COP1: variants seen among roughly 807,000 people sequenced by gnomAD.
COP1 encodes COP1 E3 ubiquitin ligase.
Under a neutral mutation model 101.3 loss-of-function variants are expected in COP1, and 24 were observed. That is an observed-to-expected ratio of 0.24 (90% CI 0.17 to 0.33). COP1 has a LOEUF of 0.33. Among genes scored for constraint, COP1 ranks in the 10% least tolerant of loss-of-function variants. COP1 has a pLI of 1.00. For synonymous variants in COP1, 347 were observed against 341.9 expected, an observed-to-expected ratio of 1.01 and a Z score of -0.17; for missense variants, 663 against 906.2, an observed-to-expected ratio of 0.73 and a Z score of 3.45.
At chr1:176,001,833 C>T (rs1661688178) in intron 15 of COP1, among the ~76,000 whole-genome samples, 1 of 152,070 alleles carries the variant, frequency 6.6e-6, no homozygotes, top group Admixed American at 6.6e-5. Context: ...TTAATTCCCC[C>T]TTCATTTTTG....
intron 15 of COP1, among the ~76,000 whole-genome samples, chr1:176,005,054 T>C (rs939111463): frequency 6.6e-6 from 1 of 152,228 alleles, no homozygotes; most frequent in Non-Finnish European, 1.5e-5. Context: ...TACTCAGAGA[T>C]TCAATTTCTT....
intron 18 of COP1, among the ~76,000 whole-genome samples, chr1:175,952,739 T>C (rs928567632): frequency 6.6e-6 from 1 of 151,970 alleles, no homozygotes; most frequent in Non-Finnish European, 1.5e-5. Flanking sequence ...TAATACCTTG[T>C]TGCTACTAAA....
intron 5 of COP1, among the ~76,000 whole-genome samples, chr1:176,151,398 AAAG>A (rs1271968078): frequency 2.0e-5 from 3 of 147,188 alleles, no homozygotes; most frequent in African/African-American, 7.3e-5. Flanking sequence ...AGAAAGAAAG[AAAG>A]AAAGAAAGAA....
At chr1:176,031,837 C>T (rs528076335) in intron 14 of COP1, among the ~76,000 whole-genome samples, 1 of 152,256 alleles carries the variant, frequency 6.6e-6, no homozygotes, top group East Asian at 1.9e-4. Flanking sequence ...TCCAACTACA[C>T]TACAGAATAA....
intron 14 of COP1, among the ~76,000 whole-genome samples, chr1:176,040,301 C>T (rs961832475): frequency 6.6e-6 from 1 of 151,706 alleles, no homozygotes; most frequent in African/African-American, 2.4e-5. Context: ...CCTCTCTGTA[C>T]CACCCCCTTT....
intron 9 of COP1, among the ~76,000 whole-genome samples, chr1:176,102,157 G>A (rs1266893498): frequency 6.6e-6 from 1 of 152,128 alleles, no homozygotes; most frequent in African/African-American, 2.4e-5. Context: ...CAGCGGGGAG[G>A]AGCCTGGTCT....
chr1:176,097,878 A>G (rs562531592), intron 9 of COP1, among the ~76,000 whole-genome samples: 40 of 151,748 alleles, frequency 2.6e-4, no homozygotes, highest in African/African-American at 9.2e-4. Context: ...CAAAAAAAAA[A>G]AAAAAAAAAG....
At chr1:176,017,722 G>A (rs1034672588) in intron 15 of COP1, among the ~76,000 whole-genome samples, 3 of 152,058 alleles carry the variant, frequency 2.0e-5, no homozygotes, top group Middle Eastern at 6.8e-3. Flanking sequence ...ATGAAGTTTC[G>A]CCATGTTGGC....
chr1:176,071,363 A>G (rs1355558086), intron 11 of COP1, among the ~76,000 whole-genome samples: 6 of 151,980 alleles, frequency 3.9e-5, no homozygotes, highest in Non-Finnish European at 8.8e-5. Context: ...AGAACCGTAA[A>G]CCAATTAAAC....
intron 5 of COP1, among the ~76,000 whole-genome samples, chr1:176,154,999 C>T (rs943406549): frequency 1.3e-5 from 2 of 151,912 alleles, no homozygotes; most frequent in African/African-American, 4.8e-5. Flanking sequence ...AACACACATG[C>T]TTAAAAGCAT....
chr1:175,983,659 G>C (rs992161178), intron 18 of COP1, among the ~76,000 whole-genome samples: 1 of 152,174 alleles, frequency 6.6e-6, no homozygotes, highest in African/African-American at 2.4e-5. Context: ...AGAGGGTTCA[G>C]AAGACAGGAA....
chr1:175,951,870 AT>A (rs564057559), intron 18 of COP1, among the ~76,000 whole-genome samples: 14 of 69,002 alleles, frequency 2.0e-4, no homozygotes, highest in African/African-American at 4.5e-4. Context: ...AGAGAAAAAA[AT>A]ATATGAAAAC....
intron 15 of COP1, among the ~76,000 whole-genome samples, chr1:176,007,217 A>G (rs369822628): frequency 2.7e-4 from 41 of 151,776 alleles, no homozygotes; most frequent in African/African-American, 7.3e-4. Context: ...GCACTTCTCT[A>G]TATTGGTTAT....
chr1:176,163,188 TAAATG>T (rs1694597036), intron 4 of COP1, among the ~76,000 whole-genome samples, 200 bp from the exon 5 acceptor site: 2 of 152,222 alleles, frequency 1.3e-5, no homozygotes, highest in African/African-American at 4.8e-5. Context: ...TCTTCTCCCT[TAAATG>T]AATTTAGATA....
rs928716105 is a variant in COP1, at chr1:175,967,292, G to A, written c.2133+19651C>T. 9.9e-5 allele frequency among the ~76,000 whole-genome samples: 15 copies of A among 152,266 alleles called. No homozygotes were observed. In the East Asian group the frequency reaches 2.5e-3, roughly 26 times the overall value. ...CTCCCAAAGTGATGGGACTACTGGCGTGAGCCACCGCGCCGTTGAAAGCTC... is the reference window on the plus strand; with the variant it reads ...CTCCCAAAGTGATGGGACTACTGGCATGAGCCACCGCGCCGTTGAAAGCTC... On this transcript the variant is annotated intron_variant, in intron 18 of 19. Coordinates refer to ENST00000367669, the MANE Select transcript of COP1 (RefSeq NM_022457.7).
chr1:176,020,936 C>T (rs1666656708), intron 15 of COP1, among the ~76,000 whole-genome samples: 1 of 152,170 alleles, frequency 6.6e-6, no homozygotes, highest in Non-Finnish European at 1.5e-5. Context: ...GCAAAAATTA[C>T]TGATATTACA....
intron 9 of COP1, among the ~76,000 whole-genome samples, chr1:176,088,287 A>G (rs1328582795): frequency 1.3e-5 from 2 of 152,210 alleles, no homozygotes; most frequent in African/African-American, 2.4e-5. Flanking sequence ...GATACATACA[A>G]AACAGAATGA....
At chr1:175,992,732 A>T (rs942056525) in intron 15 of COP1, among the ~76,000 whole-genome samples, 22 of 152,234 alleles carry the variant, frequency 1.4e-4, no homozygotes, top group African/African-American at 5.1e-4. Flanking sequence ...TTAGGTAAAC[A>T]AAGCAGCTGG....
At chr1:176,175,351 C>T (rs1325699646) in intron 3 of COP1, among the ~76,000 whole-genome samples, 2 of 152,200 alleles carry the variant, frequency 1.3e-5, no homozygotes, top group Admixed American at 6.6e-5. Context: ...CAGCAGTCCC[C>T]AACCTTTTTG....
Sources: allele counts gnomAD v4.1 joint callset (sites outside exome capture counted in the v4.1 genomes callset), GRCh38; gene constraint gnomAD v4.1.1; transcripts MANE v1.5; gene names NCBI Gene and HGNC (gene_info 2026-07-23, HGNC 2026-07-21).